UNK: variants seen among roughly 807,000 people sequenced by gnomAD.
The protein encoded by UNK is RING finger protein unkempt homolog.
In UNK, 32 loss-of-function variants were observed where a neutral mutation model predicts 97.6. The observed-to-expected ratio is 0.33, with a 90% CI of 0.25 to 0.44. The LOEUF (loss-of-function observed/expected upper bound fraction) is 0.44. Ranked by LOEUF, UNK falls within the 20% of genes least tolerant of loss-of-function variation. The pLI is 1.00. For missense variants in UNK, 771 were observed against 1,098.4 expected (o/e 0.70, Z 4.21); for synonymous variants, 441 against 461.2 (o/e 0.96, Z 0.56).
rs747873663 is a variant in UNK, at chr17:75,820,036, C to T, written c.1765C>T (p.Gln589Ter). The T allele has an allele frequency of 6.2e-7, 1 of 1,613,920 alleles. No homozygotes were observed. Among genetic ancestry groups the T allele is most frequent in the Admixed American group, 1.7e-5 (1 of 60,024 alleles). The stretch of plus-strand genomic sequence containing the variant: ...CGTCAGCCTCTCCTCGCATTTCCTG[C>T]AGCAGCCCCAGGGCCACCTGAGTCA... The part of the protein sequence containing the change: ...PPVSLSSHFL[Q>*]QPQGHLSQSE... The change falls in exon 13 of 16, where the codon CAG (glutamine) becomes TAG (stop). Residue 589 changes from glutamine (Q) to a stop codon, truncating the protein, a stop_gained. Coordinates refer to ENST00000589666, the MANE Select transcript of UNK (RefSeq NM_001080419.3). LOFTEE classifies it high-confidence loss of function.
chr17:75,824,519 T>C lies in UNK; in HGVS notation c.*102T>C. 1 of 796,204 alleles carries C rather than the reference T, an allele frequency of 1.3e-6. No homozygotes were observed. Among genetic ancestry groups the C allele is most frequent in the Non-Finnish European group, 1.6e-6 (1 of 613,936 alleles). The allele number at this position is 796,204 out of a possible 1,614,324, so 49.3% of individuals were successfully genotyped here. A position where few individuals can be genotyped will look rare whatever the true frequency, so the allele number is the denominator to read the frequency against. On this transcript the variant is annotated 3_prime_UTR_variant, in exon 16 of 16. Coordinates refer to ENST00000589666, the MANE Select transcript of UNK (RefSeq NM_001080419.3). The surrounding 1 kb of genome is among the most constrained non-coding windows in gnomAD (Gnocchi z 4.9). ...ATATATATATGTGTATGTATGTATG[T>C]ATATGTATATGATTATGTATATGTA...
At chr17:75,799,393 C>T (rs891127404) in intron 1 of UNK, among the ~76,000 whole-genome samples, 17 of 152,104 alleles carry the variant, frequency 1.1e-4, no homozygotes, top group African/African-American at 3.9e-4. Context: ...GTGTGTGAGG[C>T]GGAAGATCTC....
intron 1 of UNK, among the ~76,000 whole-genome samples, chr17:75,790,257 A>G (rs574116428): frequency 3.3e-5 from 5 of 152,188 alleles, no homozygotes; most frequent in Non-Finnish European, 7.4e-5. Flanking sequence ...AGATCTCGCC[A>G]CTGCCCTCCA....
At position 75,817,470 on chromosome 17, in the gene UNK, G is replaced by A; in HGVS notation, c.1249G>A (p.Gly417Ser). ...LAPGSYKKAPGFEREDQVGAE... is the reference protein window; with the variant it reads ...LAPGSYKKAPSFEREDQVGAE... ...CCCTGGCAGCTATAAGAAGGCTCCC[G>A]GCTTCGAGAGGGAAGACCAGGTGGG... The change falls in exon 9 of 16, where the codon GGC (glycine) becomes AGC (serine). Residue 417 changes from glycine (G) to serine (S), a missense_variant. Physicochemically the swap from Gly to Ser is moderately conservative, Grantham distance 56 (BLOSUM62 0). Around this residue, in one of 5 missense-constraint regions of UNK, gnomAD observed 192 missense variants for 202.4 expected, o/e 0.95. Coordinates refer to ENST00000589666, the MANE Select transcript of UNK (RefSeq NM_001080419.3). This position sits in a 1 kb window ranked among gnomAD's most constrained non-coding sequence, Gnocchi z 5.8. 9 of 1,613,020 alleles carry A rather than the reference G, an allele frequency of 5.6e-6. No individual in the cohort carries two copies. Among genetic ancestry groups the A allele is most frequent in the Non-Finnish European group, 7.6e-6 (9 of 1,179,492 alleles).
rs538814682 is a variant in UNK, at chr17:75,790,015, C to T, written c.104+5031C>T. On this transcript the variant is annotated intron_variant, in intron 1 of 15. Transcript: ENST00000589666. ...AAAAATAGCTGGGCATGGTGGCGGGCGCCTGTAATCCCAGCTACTGAGGAG... is the reference window on the plus strand; with the variant it reads ...AAAAATAGCTGGGCATGGTGGCGGGTGCCTGTAATCCCAGCTACTGAGGAG... Among the ~76,000 whole-genome samples, 81 of 152,134 alleles carry T rather than the reference C, an allele frequency of 5.3e-4. 2 individuals carry two copies. The South Asian group carries it at 0.012, about 23-fold the overall frequency.
chr17:75,797,703 A>T (rs2061819411), intron 1 of UNK, among the ~76,000 whole-genome samples: 1 of 152,228 alleles, frequency 6.6e-6, no homozygotes, highest in Non-Finnish European at 1.5e-5. Context: ...GAGCAGCAGG[A>T]GCTGCAGGAA....
At chr17:75,803,713 G>A (rs2061884732) in intron 1 of UNK, among the ~76,000 whole-genome samples, 1 of 152,154 alleles carries the variant, frequency 6.6e-6, no homozygotes, top group Non-Finnish European at 1.5e-5. Context: ...ATAAGTTTTT[G>A]TCAGAAATAG....
In UNK at chr17:75,784,950, C is replaced by G; in HGVS notation, c.70C>G (p.Leu24Val). The change falls in exon 1 of 16, where the codon CTG (leucine) becomes GTG (valine). Residue 24 changes from leucine (L) to valine (V), a missense_variant. Around this residue, in one of 5 missense-constraint regions of UNK, gnomAD observed 246 missense variants for 440.7 expected, o/e 0.56. Transcript: ENST00000589666. ...SAPPAATAQVLQAQPEKPQHY... is the reference protein window; with the variant it reads ...SAPPAATAQVVQAQPEKPQHY... ...GCCCCCGGCCGCTACCGCTCAGGTG[C>G]TGCAGGCACAGCCCGAGAAACCGCA... 1 of 1,537,632 alleles carries G rather than the reference C, an allele frequency of 6.5e-7. No homozygotes were observed. Among genetic ancestry groups the G allele is most frequent in the South Asian group, 1.2e-5 (1 of 83,206 alleles).
At chr17:75,802,197 A>G (rs2143728626) in intron 1 of UNK, among the ~76,000 whole-genome samples, 1 of 138,768 alleles carries the variant, frequency 7.2e-6, no homozygotes, top group South Asian at 2.4e-4. Context: ...TCTTGTGATA[A>G]GTGCTTTGTC....
rs2062018329 is a variant in UNK at position 75,816,658 on chromosome 17, C to T, written c.962-112C>T. Reference sequence around the variant, plus strand: ...GTGTTACTAGAGATGTCGTAGGAACCTTCCCTTTATGTGCAGGGGGATTTG... The same window carrying T: ...GTGTTACTAGAGATGTCGTAGGAACTTTCCCTTTATGTGCAGGGGGATTTG... On this transcript the variant is annotated intron_variant, in intron 7 of 15. Coordinates refer to ENST00000589666, the MANE Select transcript of UNK (RefSeq NM_001080419.3). The surrounding 1 kb of genome is among the most constrained non-coding windows in gnomAD (Gnocchi z 4.0). 3 of 1,343,946 alleles carry T rather than the reference C, an allele frequency of 2.2e-6. No individual in the cohort carries two copies. In the South Asian group the frequency reaches 4.6e-5, roughly 21 times the overall value. 83.3% of individuals were successfully genotyped at this position (1,343,946 alleles called of 1,614,324 possible).
intron 1 of UNK, among the ~76,000 whole-genome samples, chr17:75,798,066 CT>C (rs776246418): frequency 0.011 from 1,365 of 129,112 alleles, 4 homozygotes; most frequent in African/African-American, 0.016. Context: ...GACCACAGCT[CT>C]TTTTTTTTTT....
rs1446155529 is a variant in UNK, at chr17:75,818,566, G to GC, written c.1372-72dup. 2 of 1,487,642 alleles carry GC rather than the reference G, an allele frequency of 1.3e-6. No homozygotes were observed. The highest frequency in any genetic ancestry group is 1.8e-6 in the Non-Finnish European group (2 of 1,108,624). 92.2% of individuals were successfully genotyped at this position (1,487,642 alleles called of 1,614,324 possible). The stretch of plus-strand genomic sequence containing the variant: ...GCACGGGCCATTTCCCTTGCCCCCA[G>GC]CCCCTCTCCAGCCTCTCGTCCTGGC... On this transcript the variant is annotated intron_variant, in intron 10 of 15. Coordinates refer to ENST00000589666, the MANE Select transcript of UNK (RefSeq NM_001080419.3). This position sits in a 1 kb window ranked among gnomAD's most constrained non-coding sequence, Gnocchi z 5.1.
chr17:75,811,479 C>T (rs2061968547), intron 2 of UNK, among the ~76,000 whole-genome samples: 1 of 152,210 alleles, frequency 6.6e-6, no homozygotes, highest in South Asian at 2.1e-4. Context: ...GGGATGAAGG[C>T]TATACCTGAG....
chr17:75,794,017 G>C, intron 1 of UNK: 1 of 985,202 alleles, frequency 1.0e-6, no homozygotes, highest in Non-Finnish European at 1.2e-6. Context: ...CCAGGCATCT[G>C]GTGACCTGTC....
intron 1 of UNK, among the ~76,000 whole-genome samples, chr17:75,806,742 T>C (rs1330315802): frequency 6.6e-6 from 1 of 152,154 alleles, no homozygotes; most frequent in East Asian, 1.9e-4. Context: ...CACTGCACTC[T>C]AGCCCAGGCA....
At chr17:75,823,205 C>CG in intron 14 of UNK, 60 bp from the exon 15 acceptor site, 1 of 1,506,876 alleles carries the variant, frequency 6.6e-7, no homozygotes, top group Non-Finnish European at 8.9e-7. Context: ...AAAGATGATG[C>CG]TCTCTGGGGA....
chr17:75,803,324 A>C (rs1489581103), intron 1 of UNK, among the ~76,000 whole-genome samples: 1 of 152,040 alleles, frequency 6.6e-6, no homozygotes, highest in Non-Finnish European at 1.5e-5. Flanking sequence ...AATCACTTGA[A>C]CCCGGGAGGC....
chr17:75,821,255 A>G (rs1284082702), intron 13 of UNK: 1 of 367,818 alleles, frequency 2.7e-6, no homozygotes, highest in African/African-American at 2.1e-5. Flanking sequence ...TACTGGCCAC[A>G]CACTCCTTCC....
intron 7 of UNK, among the ~76,000 whole-genome samples, chr17:75,815,467 GAC>G (rs2062008386): frequency 1.3e-5 from 2 of 152,216 alleles, no homozygotes; most frequent in African/African-American, 4.8e-5. Flanking sequence ...GTGAGATAGA[GAC>G]TGCAGGGATT....
Sources: gnomAD v4.1 joint callset for allele counts (sites outside exome capture counted in the v4.1 genomes callset) on GRCh38, gnomAD v4.1.1 for gene constraint, gnomAD v4.1.1 regional missense constraint, Gnocchi (gnomAD v3.1) non-coding constraint, MANE v1.5 for transcripts, NCBI Gene and HGNC (gene_info 2026-07-23, HGNC 2026-07-21) for gene names.